The following FHIT variants were observed in gnomAD, a reference collection of about 807,000 sequenced individuals.
The protein encoded by FHIT is bis(5'-adenosyl)-triphosphatase.
In FHIT, 19 loss-of-function variants were observed where a neutral mutation model predicts 17.9. That is an observed-to-expected ratio of 1.06 (90% CI 0.74 to 1.56). The LOEUF (loss-of-function observed/expected upper bound fraction) is 1.56. FHIT is among the 40% of genes most tolerant of loss of function. FHIT has a pLI of 0.00. For synonymous variants in FHIT, 81 were observed against 69.7 expected (o/e 1.16, Z -0.81); for missense variants, 248 against 189.2 (o/e 1.31, Z -1.82).
chr3:60,166,635 T>C (rs950926801), intron 5 of FHIT, among the ~76,000 whole-genome samples: 4 of 152,154 alleles, frequency 2.6e-5, no homozygotes, highest in African/African-American at 9.7e-5. Context: ...CAGCAATCTA[T>C]CTCCAGAACT....
intron 8 of FHIT, among the ~76,000 whole-genome samples, chr3:59,893,063 C>G (rs1404583763): frequency 1.3e-5 from 2 of 152,188 alleles, no homozygotes; most frequent in African/African-American, 4.8e-5. Flanking sequence ...AATATGTAGT[C>G]AGTTGTGTTG....
intron 2 of FHIT, among the ~76,000 whole-genome samples, chr3:61,122,140 C>T (rs2036476482): frequency 6.6e-6 from 1 of 152,178 alleles, no homozygotes; most frequent in Non-Finnish European, 1.5e-5. Context: ...CAGCATGGTA[C>T]TGGTACCAAA....
At chr3:60,631,300 T>C (rs1465399951) in intron 4 of FHIT, among the ~76,000 whole-genome samples, 3 of 152,140 alleles carry the variant, frequency 2.0e-5, no homozygotes, top group Non-Finnish European at 4.4e-5. Flanking sequence ...TACATTTGTA[T>C]GAAACTGTAT....
At chr3:61,178,438 G>A (rs1227662846) in intron 2 of FHIT, among the ~76,000 whole-genome samples, 10 of 150,578 alleles carry the variant, frequency 6.6e-5, no homozygotes, top group Non-Finnish European at 1.5e-4. Context: ...GATAAGAGGT[G>A]TTATTTTCAA....
At chr3:60,656,792 G>A (rs1232362282) in intron 4 of FHIT, among the ~76,000 whole-genome samples, 2 of 152,180 alleles carry the variant, frequency 1.3e-5, no homozygotes, top group East Asian at 3.8e-4. Flanking sequence ...TAACACTGCT[G>A]TGTTTCTGCT....
intron 2 of FHIT, among the ~76,000 whole-genome samples, chr3:61,122,753 A>T (rs748101842): frequency 2.6e-5 from 4 of 152,158 alleles, no homozygotes; most frequent in Non-Finnish European, 5.9e-5. Context: ...ATGAAAAAAA[A>T]CCTCATCATC....
intron 8 of FHIT, among the ~76,000 whole-genome samples, chr3:59,822,078 C>T (rs1700813044): frequency 6.6e-6 from 1 of 152,178 alleles, no homozygotes; most frequent in African/African-American, 2.4e-5. Flanking sequence ...AGTTACTTCA[C>T]TTAGAATAAT....
intron 5 of FHIT, among the ~76,000 whole-genome samples, chr3:60,199,910 T>A (rs950801720): frequency 6.6e-6 from 1 of 152,146 alleles, no homozygotes. Context: ...TATACCAGTA[T>A]ACAATATAAC....
chr3:60,624,118 TGAG>T (rs1179100009), intron 4 of FHIT, among the ~76,000 whole-genome samples: 3 of 152,106 alleles, frequency 2.0e-5, no homozygotes, highest in African/African-American at 7.2e-5. Flanking sequence ...CAAAAGTTAA[TGAG>T]GAGAGCATCC....
chr3:60,755,379 C>T (rs948407892), intron 4 of FHIT, among the ~76,000 whole-genome samples: 1 of 152,172 alleles, frequency 6.6e-6, no homozygotes, highest in Non-Finnish European at 1.5e-5. Flanking sequence ...CATAGCTACC[C>T]GATCTTCCAA....
intron 2 of FHIT, among the ~76,000 whole-genome samples, chr3:61,077,481 C>A (rs375816808): frequency 2.6e-5 from 4 of 151,738 alleles, no homozygotes; most frequent in African/African-American, 9.7e-5. Flanking sequence ...AACAAACAAA[C>A]AAACAAAAAA....
chr3:61,179,912 A>T (rs920208564), intron 2 of FHIT, among the ~76,000 whole-genome samples: 1 of 152,084 alleles, frequency 6.6e-6, no homozygotes, highest in African/African-American at 2.4e-5. Flanking sequence ...GGGAAAATTC[A>T]TCAAGATGTA....
chr3:59,946,789 G>C (rs762107226), intron 7 of FHIT, among the ~76,000 whole-genome samples: 1 of 152,060 alleles, frequency 6.6e-6, no homozygotes, highest in Non-Finnish European at 1.5e-5. Context: ...TTTGTTTTTA[G>C]TTCTGTTTTT....
intron 8 of FHIT, among the ~76,000 whole-genome samples, chr3:59,808,524 A>T (rs549829016): frequency 6.6e-6 from 1 of 152,174 alleles, no homozygotes; most frequent in East Asian, 1.9e-4. Context: ...TCCTTTTGCT[A>T]ATTTCCCCTC....
chr3:60,342,350 G>C (rs1326907411), intron 5 of FHIT, among the ~76,000 whole-genome samples: 1 of 152,200 alleles, frequency 6.6e-6, no homozygotes, highest in Non-Finnish European at 1.5e-5. Flanking sequence ...GTTCCATAGT[G>C]TGGCAGATAT....
intron 3 of FHIT, among the ~76,000 whole-genome samples, chr3:60,977,958 C>G (rs1012437807): frequency 6.6e-6 from 1 of 152,152 alleles, no homozygotes; most frequent in Non-Finnish European, 1.5e-5. Flanking sequence ...CACAGAAAAC[C>G]CTTGTCAGAA....
intron 5 of FHIT, among the ~76,000 whole-genome samples, chr3:60,363,211 G>C (rs6784469): frequency 6.6e-6 from 1 of 151,894 alleles, no homozygotes; most frequent in East Asian, 1.9e-4. Flanking sequence ...CCCCACATCA[G>C]TCCTTACCAT....
At chr3:60,445,481 GA>G (rs35514185) in intron 5 of FHIT, among the ~76,000 whole-genome samples, 29,010 of 147,350 alleles carry the variant, frequency 0.2, 4,361 homozygotes, top group African/African-American at 0.42. Flanking sequence ...AGAAGAAGAA[GA>G]AAAAAAAAAG....
intron 8 of FHIT, among the ~76,000 whole-genome samples, chr3:59,912,995 G>A (rs569355857): frequency 6.6e-6 from 1 of 152,364 alleles, no homozygotes; most frequent in South Asian, 2.1e-4. Context: ...AGCTTGGCTA[G>A]AGCATGTTGA....
Sources: allele counts gnomAD v4.1 joint callset (sites outside exome capture counted in the v4.1 genomes callset), GRCh38; gene constraint gnomAD v4.1.1; transcripts MANE v1.5; gene names NCBI Gene and HGNC (gene_info 2026-07-23, HGNC 2026-07-21).